Variants in EYS observed in about 807,000 individuals in gnomAD.
EYS encodes the protein EGF-like photoreceptor maintenance factor.
EYS carries 250 observed loss-of-function variants against 282.1 expected under a neutral mutation model. That is an observed-to-expected ratio of 0.89 (90% CI 0.80 to 0.98). EYS has a LOEUF of 0.98. Among genes scored for constraint, EYS ranks in the 50% least tolerant of loss-of-function variants. The pLI is 0.00. For missense variants in EYS, 4,016 were observed against 3,709.0 expected (o/e 1.08, Z -2.15); for synonymous variants, 1,355 against 1,282.9 (o/e 1.06, Z -1.20).
At chr6:64,358,367 T>C (rs1432553963) in intron 29 of EYS, among the ~76,000 whole-genome samples, 1 of 151,634 alleles carries the variant, frequency 6.6e-6, no homozygotes, top group Non-Finnish European at 1.5e-5. Context: ...TAGTGTTGAA[T>C]TGCACATAAA....
intron 31 of EYS, among the ~76,000 whole-genome samples, chr6:64,213,174 G>C (rs757664462): frequency 3.3e-5 from 5 of 151,956 alleles, no homozygotes; most frequent in African/African-American, 9.7e-5. Flanking sequence ...CCCTCATGAC[G>C]CAAGTTTACC....
At chr6:64,043,613 C>G (rs1770489518) in intron 33 of EYS, among the ~76,000 whole-genome samples, 1 of 152,182 alleles carries the variant, frequency 6.6e-6, no homozygotes, top group South Asian at 2.1e-4. Context: ...TTTGGATAGT[C>G]CTGTAGAATC....
intron 29 of EYS, among the ~76,000 whole-genome samples, chr6:64,353,548 G>C (rs1771719390): frequency 6.6e-6 from 1 of 151,402 alleles, no homozygotes; most frequent in Admixed American, 6.6e-5. Flanking sequence ...TTTCCCTCTG[G>C]GTTTGTTGAT....
intron 12 of EYS, among the ~76,000 whole-genome samples, chr6:65,171,276 TC>T (rs1765099637): frequency 6.6e-6 from 1 of 151,584 alleles, no homozygotes; most frequent in African/African-American, 2.4e-5. Context: ...TTATATCCTT[TC>T]TTTTTCCATG....
chr6:64,045,394 TTTATTTTA>T (rs981685940), intron 33 of EYS, among the ~76,000 whole-genome samples: 1 of 119,310 alleles, frequency 8.4e-6, no homozygotes, highest in African/African-American at 3.3e-5. Context: ...TTTATTTTAT[TTTATTTTA>T]TTTTATTTTA....
At chr6:64,202,459 T>C (rs1562251324) in intron 31 of EYS, among the ~76,000 whole-genome samples, 1 of 151,810 alleles carries the variant, frequency 6.6e-6, no homozygotes, top group African/African-American at 2.4e-5. Context: ...ATTTTTTACT[T>C]AATAATAAAT....
intron 33 of EYS, among the ~76,000 whole-genome samples, chr6:64,010,054 TG>T (rs1447701632): frequency 4.5e-4 from 68 of 150,248 alleles, no homozygotes; most frequent in East Asian, 1.6e-3. Flanking sequence ...GCTCTAACTC[TG>T]GGGGGTGGGG....
intron 22 of EYS, among the ~76,000 whole-genome samples, chr6:64,712,495 A>C (rs1020558557): frequency 5.3e-5 from 8 of 152,212 alleles, no homozygotes; most frequent in African/African-American, 1.9e-4. Context: ...TTCAGCAACG[A>C]ATTAGGATCC....
chr6:65,522,566 A>C (rs1396708465), intron 2 of EYS, among the ~76,000 whole-genome samples: 2 of 152,174 alleles, frequency 1.3e-5, no homozygotes, highest in African/African-American at 2.4e-5. Context: ...AGTGTTCTTA[A>C]GTTTTGAAAT....
rs139469200 is a variant in EYS at position 65,058,087 on chromosome 6, G to A, written c.2024-360C>T. 7.7e-3 allele frequency among the ~76,000 whole-genome samples: 1,171 copies of A among 152,190 alleles called. 28 individuals carry two copies. Among genetic ancestry groups the A allele is most frequent in the Non-Finnish European group, 8.4e-3 (573 of 68,004 alleles). On this transcript the variant is annotated intron_variant, in intron 12 of 42. Coordinates refer to ENST00000503581, the MANE Select transcript of EYS (RefSeq NM_001142800.2). Reference sequence around the variant, plus strand: ...AGGTGAAAGGAAATAAAAAAGGAACGAAAAGAAAATATTGGTGAATCAATA... The same window carrying A: ...AGGTGAAAGGAAATAAAAAAGGAACAAAAAGAAAATATTGGTGAATCAATA...
At chr6:64,548,510 G>A (rs1351436375) in intron 26 of EYS, among the ~76,000 whole-genome samples, 4 of 152,184 alleles carry the variant, frequency 2.6e-5, no homozygotes, top group Non-Finnish European at 4.4e-5. Flanking sequence ...AAAAAAGGAT[G>A]AGTTCATGTG....
At chr6:64,300,918 G>T (rs1182135958) in intron 30 of EYS, among the ~76,000 whole-genome samples, 1 of 152,212 alleles carries the variant, frequency 6.6e-6, no homozygotes, top group Admixed American at 6.5e-5. Flanking sequence ...GTCCTACCAT[G>T]TGTCAGTATC....
chr6:64,457,004 T>C (rs570779368), intron 26 of EYS, among the ~76,000 whole-genome samples: 2 of 152,172 alleles, frequency 1.3e-5, no homozygotes, highest in African/African-American at 4.8e-5. Context: ...TGTAGGTGTT[T>C]ATTGCTACAA....
chr6:63,967,373 T>A (rs1482443), intron 35 of EYS, among the ~76,000 whole-genome samples: 61,920 of 152,110 alleles, frequency 0.41, 13,824 homozygotes, highest in African/African-American at 0.6. Context: ...CTGTGGATAA[T>A]TGTGGACTAC....
At chr6:64,557,820 G>T (rs1255095467) in intron 26 of EYS, among the ~76,000 whole-genome samples, 4 of 152,014 alleles carry the variant, frequency 2.6e-5, no homozygotes, top group Admixed American at 2.0e-4. Context: ...AACACAATCA[G>T]ATTCATTTAT....
chr6:65,140,677 C>A (rs970858955), intron 12 of EYS, among the ~76,000 whole-genome samples: 2 of 151,828 alleles, frequency 1.3e-5, no homozygotes, highest in African/African-American at 2.4e-5. Flanking sequence ...AAAAAGTGGG[C>A]AAAGGATATG....
chr6:64,161,530 A>G (rs1775106190), intron 31 of EYS, among the ~76,000 whole-genome samples: 1 of 152,206 alleles, frequency 6.6e-6, no homozygotes, highest in Non-Finnish European at 1.5e-5. Flanking sequence ...GTGGGAAGTA[A>G]TCTTTTTGAA....
chr6:63,757,364 T>C (rs1348880380), intron 41 of EYS, among the ~76,000 whole-genome samples: 1 of 152,128 alleles, frequency 6.6e-6, no homozygotes, highest in Non-Finnish European at 1.5e-5. Flanking sequence ...GAGGTCTGAC[T>C]GGTTCTCTGC....
chr6:64,713,305 G>A (rs1771270155), intron 22 of EYS: 1 of 152,070 alleles, frequency 6.6e-6, no homozygotes, highest in African/African-American at 2.4e-5. Context: ...TCCAACATAA[G>A]CTGGTCTGGA....
Sources: gnomAD v4.1 joint callset for allele counts (sites outside exome capture counted in the v4.1 genomes callset) on GRCh38, gnomAD v4.1.1 for gene constraint, MANE v1.5 for transcripts, NCBI Gene and HGNC (gene_info 2026-07-23, HGNC 2026-07-21) for gene names.